Variants in GALNS observed in about 807,000 individuals in gnomAD.
The protein encoded by GALNS is galactosamine (N-acetyl)-6-sulfatase.
In GALNS, 65 loss-of-function variants were observed where a neutral mutation model predicts 65.9. The observed-to-expected ratio is 0.99, with a 90% CI of 0.81 to 1.21. The LOEUF (loss-of-function observed/expected upper bound fraction) is 1.21, where lower values mean the gene tolerates loss of function less well. Ranked by LOEUF, GALNS falls within the 50% of genes most tolerant of loss-of-function variation. The probability of loss-of-function intolerance (pLI) is 0.00; values close to 1 mark genes in which losing one functional copy is unlikely to be tolerated. For missense variants in GALNS, 776 were observed against 700.7 expected (o/e 1.11, Z -1.21); for synonymous variants, 346 against 288.9 (o/e 1.20, Z -2.00).
intron 5 of GALNS, 93 bp from the exon 6 acceptor site, chr16:88,836,360 TA>T: frequency 9.5e-7 from 1 of 1,053,722 alleles, no homozygotes. Flanking sequence ...GGGCTTCATT[TA>T]AAAGAAGGCT....
intron 13 of GALNS, chr16:88,817,370 A>C: frequency 1.0e-6 from 1 of 985,300 alleles, no homozygotes; most frequent in Non-Finnish European, 1.2e-6. Context: ...GAGGTGAACA[A>C]GGCCTGGTCT....
chr16:88,826,149 C>G (rs1462914883), intron 10 of GALNS, among the ~76,000 whole-genome samples: 1 of 133,880 alleles, frequency 7.5e-6, no homozygotes, highest in African/African-American at 2.9e-5. Context: ...GTGGGGCAGA[C>G]AGGGGCAGCG....
chr16:88,832,433 C>T (rs373695287), intron 8 of GALNS, among the ~76,000 whole-genome samples: 35 of 152,312 alleles, frequency 2.3e-4, no homozygotes, highest in African/African-American at 8.4e-4. Context: ...GCTTCCCGAA[C>T]GTGAATGTTC....
Position 88,837,642 on chromosome 16 carries a change from C to T in GALNS, c.546G>A (p.Arg182=), listed in dbSNP as rs753307888. 1.2e-6 allele frequency: 2 copies of T among 1,613,692 alleles called. No individual in the cohort carries two copies. The highest frequency in any genetic ancestry group is 4.5e-5 in the East Asian group (2 of 44,872). ...NKARPNIPVY[R]DWEMVGRYYE... ...ATTACCTGCCAACCATCTCCCAGTC[C>T]CTGTACACAGGGATGTTGGGCCTGG... Residue 182 remains arginine (R), a synonymous_variant, in exon 5 of 14, where the codon AGG becomes AGA. Transcript: ENST00000268695.
At chr16:88,842,900 T>A in intron 1 of GALNS, 71 bp from the exon 2 acceptor site, 1 of 1,592,192 alleles carries the variant, frequency 6.3e-7, no homozygotes, top group Non-Finnish European at 8.5e-7. Flanking sequence ...GAGCTGCCCA[T>A]GGTGCCAAGA....
intron 11 of GALNS, among the ~76,000 whole-genome samples, chr16:88,824,323 G>A (rs990999715): frequency 1.3e-5 from 2 of 152,042 alleles, no homozygotes; most frequent in Non-Finnish European, 2.9e-5. Flanking sequence ...AGGAGCCCCA[G>A]GCCCTGTGCG....
At chr16:88,835,620 T>C (rs1912038930) in intron 7 of GALNS, 105 bp downstream of exon 7, 2 of 1,559,690 alleles carry the variant, frequency 1.3e-6, no homozygotes, top group African/African-American at 1.3e-5. Context: ...TGCTCTGGCC[T>C]TTCCATAATT....
Position 88,836,718 on chromosome 16 carries a change from G to A in GALNS, c.567-451C>T, listed in dbSNP as rs946445430. Among the ~76,000 whole-genome samples the A allele has an allele frequency of 2.0e-5, 3 of 152,152 alleles. No individual in the cohort carries two copies. The South Asian group carries it at 6.2e-4, about 32-fold the overall frequency. Reference sequence around the variant, plus strand: ...CACTCAGGGAACAACCAAGCTGGACGCATCCCTCGCTCCCCCAGGGCACGG... The same window carrying A: ...CACTCAGGGAACAACCAAGCTGGACACATCCCTCGCTCCCCCAGGGCACGG... On this transcript the variant is annotated intron_variant, in intron 5 of 13. Transcript: ENST00000268695.
intron 1 of GALNS, chr16:88,843,240 C>T: frequency 1.5e-6 from 2 of 1,291,204 alleles, no homozygotes; most frequent in Non-Finnish European, 2.0e-6. Context: ...TATGTCTGTA[C>T]ACGTCTAGAT....
intron 2 of GALNS, chr16:88,842,376 G>A (rs1247404733): frequency 3.9e-6 from 2 of 518,124 alleles, no homozygotes; most frequent in Non-Finnish European, 7.0e-6. Flanking sequence ...GGGAGGGAGT[G>A]GGACTCCTGC....
At position 88,835,773 on chromosome 16, in the gene GALNS, G is replaced by A; in HGVS notation, c.710C>T (p.Ala237Val). 2 of 1,614,160 alleles carry A rather than the reference G, an allele frequency of 1.2e-6. No individual in the cohort carries two copies. Among genetic ancestry groups the A allele is most frequent in the Non-Finnish European group, 1.7e-6 (2 of 1,180,024 alleles). ...FLYWAVDATH[A>V]PVYASKPFLG... ...GAAGGGTTTGGAGGCATAGACGGGTGCGTGCGTGGCGTCGACAGCCCAGTA... is the reference window on the plus strand; with the variant it reads ...GAAGGGTTTGGAGGCATAGACGGGTACGTGCGTGGCGTCGACAGCCCAGTA... Residue 237 changes from alanine to valine, a missense_variant, in exon 7 of 14, where the codon GCA becomes GTA. Ala to Val is a moderately conservative substitution (Grantham distance 64, BLOSUM62 0). Coordinates refer to ENST00000268695, the MANE Select transcript of GALNS (RefSeq NM_000512.5).
At chr16:88,825,673 C>T (rs1346614986) in intron 10 of GALNS, among the ~76,000 whole-genome samples, 1 of 151,202 alleles carries the variant, frequency 6.6e-6, no homozygotes, top group East Asian at 1.9e-4. Flanking sequence ...CAAGGCTGGG[C>T]CAGACCCTGG....
chr16:88,835,910 G>A (rs1002738942), intron 6 of GALNS, 61 bp from the exon 7 acceptor site: 32 of 1,610,794 alleles, frequency 2.0e-5, no homozygotes, highest in Non-Finnish European at 2.5e-5. Context: ...TGCCTCCCAC[G>A]GTCCCCGTCC....
intron 1 of GALNS, chr16:88,855,727 C>T (rs991144121): frequency 1.0e-5 from 6 of 573,704 alleles, no homozygotes; most frequent in East Asian, 5.9e-5. Flanking sequence ...GTGTATTTTA[C>T]ACTACCAGCA....
Position 88,835,827 on chromosome 16 carries a change from C to T in GALNS, c.656G>A (p.Arg219Lys), listed in dbSNP as rs1182287967. 6.8e-6 allele frequency: 11 copies of T among 1,614,038 alleles called. No individual in the cohort carries two copies. In the Admixed American group the frequency reaches 1.5e-4, roughly 22 times the overall value. ...YLQEALDFIK[R>K]QARHHPFFLY... ...GAAAAAGGGGTGGTGCCGTGCCTGT[C>T]TCTTAATGAAGTCCAGGGCTTCCTA... Residue 219 changes from arginine to lysine, a missense_variant, in exon 7 of 14, where the codon AGA becomes AAA. Physicochemically the swap from Arg to Lys is conservative, Grantham distance 26. Coordinates refer to ENST00000268695, the MANE Select transcript of GALNS (RefSeq NM_000512.5).
intron 11 of GALNS, among the ~76,000 whole-genome samples, chr16:88,823,988 C>T (rs1013596162): frequency 7.9e-5 from 12 of 152,212 alleles, no homozygotes; most frequent in Non-Finnish European, 1.5e-4. Flanking sequence ...TCATTGCCCT[C>T]CAGACACTGC....
At chr16:88,838,134 G>C (rs1047097816) in intron 4 of GALNS, among the ~76,000 whole-genome samples, 12 of 152,292 alleles carry the variant, frequency 7.9e-5, no homozygotes, top group African/African-American at 2.6e-4. Flanking sequence ...TCCCAGGAGA[G>C]TTTTGCGGGT....
At chr16:88,821,375 C>G (rs12930860) in intron 12 of GALNS, among the ~76,000 whole-genome samples, 34,560 of 152,118 alleles carry the variant, frequency 0.23, 4,536 homozygotes, top group East Asian at 0.52. Context: ...TTGGACCCAG[C>G]GCCACCCGTG....
intron 1 of GALNS, among the ~76,000 whole-genome samples, chr16:88,850,666 C>T (rs371818849): frequency 1.5e-4 from 23 of 152,030 alleles, no homozygotes; most frequent in Middle Eastern, 3.2e-3. Context: ...AAGGTGCGGG[C>T]GGGGCCGGGG....
Sources: gnomAD v4.1 joint callset for allele counts (sites outside exome capture counted in the v4.1 genomes callset) on GRCh38, gnomAD v4.1.1 for gene constraint, MANE v1.5 for transcripts, NCBI Gene and HGNC (gene_info 2026-07-23, HGNC 2026-07-21) for gene names.